CUX2: variants seen among roughly 807,000 people sequenced by gnomAD.
The protein encoded by CUX2 is cut like homeobox 2.
A neutral mutation model predicts 144.8 loss-of-function variants in CUX2; 40 were observed. The observed-to-expected ratio is 0.28, with a 90% CI of 0.21 to 0.36. The LOEUF is 0.36. Among genes scored for constraint, CUX2 ranks in the 10% least tolerant of loss-of-function variants. The pLI is 1.00. For missense variants in CUX2, 1,615 were observed against 1,994.0 expected (o/e 0.81, Z 3.62); for synonymous variants, 827 against 875.6 (o/e 0.94, Z 0.98).
At position 111,219,460 on chromosome 12, in the gene CUX2, A is replaced by G. The variant is rs141855572; in HGVS notation, c.222+1523A>G. Among the ~76,000 whole-genome samples the G allele has an allele frequency of 9.2e-3, 1,407 of 152,122 alleles. 27 individuals are homozygous for G. Among genetic ancestry groups the G allele is most frequent in the African/African-American group, 0.033 (1,357 of 41,512 alleles). ...GAGCTGCTCAGCACACAAGCTCCCT[A>G]TAGCAGCTGATCCCTCTGCCCAATC... On this transcript the variant is annotated intron_variant, in intron 3 of 21. Coordinates refer to ENST00000261726, the MANE Select transcript of CUX2 (RefSeq NM_015267.4).
intron 1 of CUX2, among the ~76,000 whole-genome samples, chr12:111,048,451 C>T (rs1431191541): frequency 6.6e-6 from 1 of 152,200 alleles, no homozygotes; most frequent in South Asian, 2.1e-4. Context: ...AAGGTGGGAG[C>T]TGTGCTTCCT....
intron 1 of CUX2, among the ~76,000 whole-genome samples, chr12:111,113,783 G>T (rs1419829032): frequency 6.6e-6 from 1 of 152,124 alleles, no homozygotes; most frequent in Non-Finnish European, 1.5e-5. Context: ...TCTCGAACCC[G>T]TGACCTCAAG....
At chr12:111,047,305 A>G (rs1010491263) in intron 1 of CUX2, among the ~76,000 whole-genome samples, 3 of 152,226 alleles carry the variant, frequency 2.0e-5, no homozygotes, top group African/African-American at 7.2e-5. Context: ...TCGTTGATAA[A>G]GAAGGAAGGA....
At chr12:111,173,128 TTTG>T (rs1378984265) in intron 1 of CUX2, among the ~76,000 whole-genome samples, 1 of 151,922 alleles carries the variant, frequency 6.6e-6, no homozygotes, top group Non-Finnish European at 1.5e-5. Flanking sequence ...GAGAGAGAGG[TTTG>T]TTGTTCTTCT....
chr12:111,137,019 C>T (rs1303837703), intron 1 of CUX2, among the ~76,000 whole-genome samples: 1 of 151,550 alleles, frequency 6.6e-6, no homozygotes, highest in African/African-American at 2.4e-5. Context: ...TTCATTGCAA[C>T]CTCTGCTTCC....
At chr12:111,099,325 T>G in intron 1 of CUX2, 1 of 342,168 alleles carries the variant, frequency 2.9e-6, no homozygotes, top group South Asian at 2.3e-5. Flanking sequence ...TGGCAAGAGC[T>G]GAGGCTGGAG....
chr12:111,328,974 T>C (rs1314771230), intron 18 of CUX2, among the ~76,000 whole-genome samples: 9 of 65,354 alleles, frequency 1.4e-4, no homozygotes, highest in African/African-American at 1.0e-3. Flanking sequence ...TCTCTCTCTC[T>C]CCCCCTCTCT....
chr12:111,070,465 G>C (rs577121827), intron 1 of CUX2, among the ~76,000 whole-genome samples: 2 of 127,550 alleles, frequency 1.6e-5, no homozygotes, highest in South Asian at 5.1e-4. Context: ...TCTTTTTCAA[G>C]ATTTTCTTTA....
chr12:111,201,234 G>A (rs1880567115), intron 1 of CUX2, among the ~76,000 whole-genome samples: 1 of 152,122 alleles, frequency 6.6e-6, no homozygotes, highest in Non-Finnish European at 1.5e-5. Context: ...CCCCTCCGCT[G>A]GTAGCAGGGG....
intron 1 of CUX2, among the ~76,000 whole-genome samples, chr12:111,087,797 A>T (rs1482583648): frequency 2.0e-5 from 3 of 152,180 alleles, no homozygotes; most frequent in Non-Finnish European, 1.5e-5. Context: ...TTAAAAATGA[A>T]GGACTATATC....
intron 1 of CUX2, among the ~76,000 whole-genome samples, chr12:111,159,613 G>A (rs568909744): frequency 6.6e-6 from 1 of 152,214 alleles, no homozygotes; most frequent in Non-Finnish European, 1.5e-5. Flanking sequence ...AATGATTTCA[G>A]AATAAACAAT....
At chr12:111,245,907 G>A (rs1031258910) in intron 3 of CUX2, among the ~76,000 whole-genome samples, 37 of 152,104 alleles carry the variant, frequency 2.4e-4, no homozygotes, top group African/African-American at 2.2e-4. Context: ...AATGGACAAC[G>A]CAGGCACAGA....
chr12:111,061,880 G>A lies in CUX2; in HGVS notation c.63+27640G>A, dbSNP rs1566195473. 6.6e-6 allele frequency among the ~76,000 whole-genome samples: 1 copy of A among 152,176 alleles called. No homozygotes were observed. The highest frequency in any genetic ancestry group is 1.5e-5 in the Non-Finnish European group (1 of 68,042). Reference sequence around the variant, plus strand: ...TCGTGGCCAAACACCAGGCTTTAGAGTCAGGCACAGTCAAGTTCAAATTCT... The same window carrying A: ...TCGTGGCCAAACACCAGGCTTTAGAATCAGGCACAGTCAAGTTCAAATTCT... On this transcript the variant is annotated intron_variant, in intron 1 of 21. Coordinates refer to ENST00000261726, the MANE Select transcript of CUX2 (RefSeq NM_015267.4). The surrounding 1 kb of genome is among the most constrained non-coding windows in gnomAD (Gnocchi z 4.2).
At chr12:111,144,104 G>T (rs570878401) in intron 1 of CUX2, among the ~76,000 whole-genome samples, 1 of 152,248 alleles carries the variant, frequency 6.6e-6, no homozygotes, top group Admixed American at 6.5e-5. Flanking sequence ...ACTGCTGTAT[G>T]ATCCCCCCTA....
chr12:111,227,254 G>A (rs773069549), intron 3 of CUX2, among the ~76,000 whole-genome samples: 2 of 152,188 alleles, frequency 1.3e-5, no homozygotes, highest in Non-Finnish European at 2.9e-5. Flanking sequence ...CTGAATTCCG[G>A]GGGTGAAAGG....
chr12:111,263,785 C>G lies in CUX2; in HGVS notation c.247C>G (p.Gln83Glu). The change falls in exon 4 of 22, where the codon CAG (glutamine) becomes GAG (glutamate). Residue 83 changes from glutamine (Q) to glutamate (E), a missense_variant. Transcript: ENST00000261726. This position sits in a 1 kb window ranked among gnomAD's most constrained non-coding sequence, Gnocchi z 4.0. ...GGTGGTGGCCCTTAGTAAGAGAAGT[C>G]AGGAGGCGGAGGCTGCTTTTCTGAG... ...AEVVALSKRS[Q>E]EAEAAFLSVY... 2 of 1,614,120 alleles carry G rather than the reference C, an allele frequency of 1.2e-6. No individual in the cohort carries two copies. The highest frequency in any genetic ancestry group is 1.7e-6 in the Non-Finnish European group (2 of 1,179,988).
chr12:111,194,140 T>C (rs1880081869), intron 1 of CUX2, among the ~76,000 whole-genome samples: 1 of 152,146 alleles, frequency 6.6e-6, no homozygotes, highest in Non-Finnish European at 1.5e-5. Context: ...CCAGACTCTT[T>C]GTCTTGAATC....
intron 14 of CUX2, among the ~76,000 whole-genome samples, chr12:111,308,843 A>T (rs1349671191): frequency 6.6e-6 from 1 of 151,472 alleles, no homozygotes; most frequent in African/African-American, 2.4e-5. Context: ...TTGTCATTAC[A>T]CCCCCCACAG....
rs988142581 is a variant in CUX2 at position 111,259,750 on chromosome 12, C to T, written c.223-4011C>T. 6.1e-5 allele frequency among the ~76,000 whole-genome samples: 9 copies of T among 147,050 alleles called. No individual in the cohort carries two copies. In the East Asian group the frequency reaches 1.8e-3, roughly 29 times the overall value. On this transcript the variant is annotated intron_variant, in intron 3 of 21. Transcript: ENST00000261726. ...GTGTGGTGCACATCTGTAATTGCAGCTACTCTGCACTCCAGCCTGGGTGAC... is the reference window on the plus strand; with the variant it reads ...GTGTGGTGCACATCTGTAATTGCAGTTACTCTGCACTCCAGCCTGGGTGAC...
Sources: allele counts gnomAD v4.1 joint callset (sites outside exome capture counted in the v4.1 genomes callset), GRCh38; gene constraint gnomAD v4.1.1; non-coding constraint Gnocchi (gnomAD v3.1); transcripts MANE v1.5; gene names NCBI Gene and HGNC (gene_info 2026-07-23, HGNC 2026-07-21).